Variants in SERPINB9 observed in about 807,000 individuals in gnomAD.
SERPINB9 encodes serpin B9.
SERPINB9 carries 20 observed loss-of-function variants against 27.2 expected under a neutral mutation model. That is an observed-to-expected ratio of 0.74 (90% CI 0.52 to 1.07). The LOEUF is 1.07. Among genes scored for constraint, SERPINB9 ranks in the 50% least tolerant of loss-of-function variants. SERPINB9 has a pLI of 0.00. For synonymous variants in SERPINB9, 189 were observed against 180.0 expected, an observed-to-expected ratio of 1.05 and a Z score of -0.40; for missense variants, 476 against 460.1, an observed-to-expected ratio of 1.03 and a Z score of -0.32.
chr6:2,890,268 G>A lies in SERPINB9; in HGVS notation c.1026C>T (p.Cys342=). ...ASSCFVVAEC[C]MESGPRFCAD... ...CACAGAACCTGGGGCCAGATTCCAT[G>A]CAGCACTCTGCAACTACAAAGCAGC... Residue 342 remains cysteine (C), a synonymous_variant, in exon 7 of 7, where the codon TGC becomes TGT. Coordinates refer to ENST00000380698, the MANE Select transcript of SERPINB9 (RefSeq NM_004155.6). This position sits in a 1 kb window ranked among gnomAD's most constrained non-coding sequence, Gnocchi z 6.2. 6.2e-7 allele frequency: 1 copy of A among 1,614,222 alleles called. No homozygotes were observed. The highest frequency in any genetic ancestry group is 8.5e-7 in the Non-Finnish European group (1 of 1,180,040).
rs181498484 is a variant in SERPINB9, at chr6:2,896,963, G to A, written c.169-773C>T. Among the ~76,000 whole-genome samples the A allele has an allele frequency of 5.5e-3, 837 of 151,748 alleles. 2 individuals are homozygous for A. Among genetic ancestry groups the A allele is most frequent in the Non-Finnish European group, 7.2e-3 (487 of 67,912 alleles). On this transcript the variant is annotated intron_variant, in intron 2 of 6. Coordinates refer to ENST00000380698, the MANE Select transcript of SERPINB9 (RefSeq NM_004155.6). Reference sequence around the variant, plus strand: ...GAGGCTAGCCTGGGCAACATTGCAAGATCCCATCTCCACTTAGCTGGGCAT... The same window carrying A: ...GAGGCTAGCCTGGGCAACATTGCAAAATCCCATCTCCACTTAGCTGGGCAT...
At position 2,887,528 on chromosome 6, in the gene SERPINB9, C is replaced by T. The variant is rs1169184497; in HGVS notation, c.*2635G>A. 6.6e-6 allele frequency: 1 copy of T among 152,068 alleles called. No individual in the cohort carries two copies. The highest frequency in any genetic ancestry group is 2.4e-5 in the African/African-American group (1 of 41,398). The allele number at this position is 152,068 out of a possible 1,614,324, so 9.4% of individuals were successfully genotyped here. On this transcript the variant is annotated 3_prime_UTR_variant, in exon 7 of 7. Transcript: ENST00000380698. ...TATCTGCATATGATACATAATGTTGCAGATGTTTGTAATTTACATAAAAGA... is the reference window on the plus strand; with the variant it reads ...TATCTGCATATGATACATAATGTTGTAGATGTTTGTAATTTACATAAAAGA...
Position 2,889,857 on chromosome 6 carries a change from A to G in SERPINB9, c.*306T>C, listed in dbSNP as rs1470011679. The stretch of plus-strand genomic sequence containing the variant: ...AATGTATTCGCAGTGTCAGGAAAGC[A>G]CAGGGTCGCCAGAGTGAATTGCATG... On this transcript the variant is annotated 3_prime_UTR_variant, in exon 7 of 7. Transcript: ENST00000380698. 2 of 298,266 alleles carry G rather than the reference A, an allele frequency of 6.7e-6. No individual in the cohort carries two copies. Among genetic ancestry groups the G allele is most frequent in the Non-Finnish European group, 1.3e-5 (2 of 158,972 alleles). 18.5% of individuals were successfully genotyped at this position (298,266 alleles called of 1,614,324 possible). A position where few individuals can be genotyped will look rare whatever the true frequency, so the allele number is the denominator to read the frequency against.
At chr6:2,899,380 A>G (rs1254478463) in intron 2 of SERPINB9, among the ~76,000 whole-genome samples, 2 of 152,238 alleles carry the variant, frequency 1.3e-5, no homozygotes, top group South Asian at 4.1e-4. Flanking sequence ...CACAAAGGCC[A>G]TCACAGCCTT....
rs1254328978 is a variant in SERPINB9, at chr6:2,891,784, T to C, written c.723+49A>G. The C allele has an allele frequency of 2.6e-6, 4 of 1,539,410 alleles. No homozygotes were observed. Among genetic ancestry groups the C allele is most frequent in the East Asian group, 4.6e-5 (2 of 43,698 alleles). On this transcript the variant is annotated intron_variant, in intron 6 of 6. Coordinates refer to ENST00000380698, the MANE Select transcript of SERPINB9 (RefSeq NM_004155.6). This position sits in a 1 kb window ranked among gnomAD's most constrained non-coding sequence, Gnocchi z 4.0. Reference sequence around the variant, plus strand: ...ATGAGAGGTGGAAGTGGCACTCGAGTTCTGCCCGCAAAGGTGTCCCTGGGT... The same window carrying C: ...ATGAGAGGTGGAAGTGGCACTCGAGCTCTGCCCGCAAAGGTGTCCCTGGGT...
At chr6:2,892,794 T>C (rs1767854366) in intron 5 of SERPINB9, among the ~76,000 whole-genome samples, 2 of 152,284 alleles carry the variant, frequency 1.3e-5, no homozygotes, top group South Asian at 2.1e-4. Context: ...AGTATCTTTT[T>C]AGGGGCTGGA....
chr6:2,891,895 A>T lies in SERPINB9; in HGVS notation c.661T>A (p.Tyr221Asn). 1 of 1,612,968 alleles carries T rather than the reference A, an allele frequency of 6.2e-7. No individual in the cohort carries two copies. Among genetic ancestry groups the T allele is most frequent in the East Asian group, 2.2e-5 (1 of 44,872 alleles). Residue 221 changes from tyrosine (Y) to asparagine (N), a missense_variant, in exon 6 of 7, where the codon TAC becomes AAC. By Grantham distance (143) the Tyr-to-Asn change is moderately radical. Coordinates refer to ENST00000380698, the MANE Select transcript of SERPINB9 (RefSeq NM_004155.6). This position sits in a 1 kb window ranked among gnomAD's most constrained non-coding sequence, Gnocchi z 4.0. The part of the protein sequence containing the change: ...EVRAQLLELP[Y>N]ARKELSLLVL... ...AGCAGGCTCAGCTCCTTCCTGGCGT[A>T]GGGCAGCTCCAGCAGCTGCGCGCGC...
At chr6:2,898,240 C>T (rs1016473925) in intron 2 of SERPINB9, among the ~76,000 whole-genome samples, 2 of 151,848 alleles carry the variant, frequency 1.3e-5, no homozygotes, top group South Asian at 2.1e-4. Context: ...TTCTATTTCT[C>T]ATGCAATACA....
At position 2,900,624 on chromosome 6, in the gene SERPINB9, G is replaced by A; in HGVS notation, c.-10-3C>T. Reference sequence around the variant, plus strand: ...AAAGAGTTTCCATGATGCAGGGCCTGGAAGGGAAGAATAAAGAGAAATGCA... The same window carrying A: ...AAAGAGTTTCCATGATGCAGGGCCTAGAAGGGAAGAATAAAGAGAAATGCA... On this transcript the variant is annotated splice_region_variant and splice_polypyrimidine_tract_variant and intron_variant, in intron 1 of 6. Transcript: ENST00000380698. 6.2e-7 allele frequency: 1 copy of A among 1,613,218 alleles called. No homozygotes were observed. Among genetic ancestry groups the A allele is most frequent in the Middle Eastern group, 1.7e-4 (1 of 6,056 alleles).
chr6:2,900,918 G>A (rs548417904), intron 1 of SERPINB9, among the ~76,000 whole-genome samples: 174 of 47,842 alleles, frequency 3.6e-3, no homozygotes, highest in African/African-American at 0.022. Flanking sequence ...CACAGAGCTG[G>A]AAGCAGTGAA....
rs766077113 is a variant in SERPINB9, at chr6:2,890,011, T to A, written c.*152A>T. ...TAGCATAAGCGAGTGTGGAGCATCATGAATTCATGCTGGCAAATCATGAGG... is the reference window on the plus strand; with the variant it reads ...TAGCATAAGCGAGTGTGGAGCATCAAGAATTCATGCTGGCAAATCATGAGG... On this transcript the variant is annotated 3_prime_UTR_variant, in exon 7 of 7. Coordinates refer to ENST00000380698, the MANE Select transcript of SERPINB9 (RefSeq NM_004155.6). This position sits in a 1 kb window ranked among gnomAD's most constrained non-coding sequence, Gnocchi z 6.2. 3.7e-5 allele frequency: 23 copies of A among 622,612 alleles called. No homozygotes were observed. The highest frequency in any genetic ancestry group is 4.4e-4 in the Middle Eastern group (1 of 2,258). 38.6% of individuals were successfully genotyped at this position (622,612 alleles called of 1,614,324 possible).
At chr6:2,893,692 A>C in intron 4 of SERPINB9, 139 bp from the exon 5 acceptor site, 2 of 638,000 alleles carry the variant, frequency 3.1e-6, no homozygotes, top group Non-Finnish European at 5.3e-6. Flanking sequence ...AGAAATAAAA[A>C]CAGCACATAT....
intron 1 of SERPINB9, among the ~76,000 whole-genome samples, chr6:2,901,674 C>T (rs1768206284): frequency 6.6e-6 from 1 of 152,116 alleles, no homozygotes; most frequent in African/African-American, 2.4e-5. Flanking sequence ...GACCCTGACT[C>T]CTCCAGGTGA....
In SERPINB9 at chr6:2,894,449, G is replaced by T. The variant is rs1225473101; in HGVS notation, c.425-896C>A. 6.6e-6 allele frequency among the ~76,000 whole-genome samples: 1 copy of T among 152,136 alleles called. No homozygotes were observed. The highest frequency in any genetic ancestry group is 1.5e-5 in the Non-Finnish European group (1 of 68,040). ...GAGGGTATTTTCAGTCTGTGGAACT[G>T]ATCAGCCCTGAGAGAGGGTCGGCAG... On this transcript the variant is annotated intron_variant, in intron 4 of 6. Coordinates refer to ENST00000380698, the MANE Select transcript of SERPINB9 (RefSeq NM_004155.6). The surrounding 1 kb of genome is among the most constrained non-coding windows in gnomAD (Gnocchi z 4.7).
Position 2,894,985 on chromosome 6 carries a change from G to A in SERPINB9, c.424+406C>T, listed in dbSNP as rs2113608025. Among the ~76,000 whole-genome samples the A allele has an allele frequency of 6.6e-6, 1 of 151,930 alleles. No individual in the cohort carries two copies. The highest frequency in any genetic ancestry group is 1.9e-4 in the East Asian group (1 of 5,170). On this transcript the variant is annotated intron_variant, in intron 4 of 6. Coordinates refer to ENST00000380698, the MANE Select transcript of SERPINB9 (RefSeq NM_004155.6). The surrounding 1 kb of genome is among the most constrained non-coding windows in gnomAD (Gnocchi z 4.7). ...TTGGTCAGGCTGGTCTCGAACTCCTGACCTCAAGTGATATGTCCACTTCGG... is the reference window on the plus strand; with the variant it reads ...TTGGTCAGGCTGGTCTCGAACTCCTAACCTCAAGTGATATGTCCACTTCGG...
chr6:2,893,206 T>A (rs1767878774), intron 5 of SERPINB9, among the ~76,000 whole-genome samples: 1 of 143,708 alleles, frequency 7.0e-6, no homozygotes, highest in African/African-American at 2.6e-5. Flanking sequence ...ATATATATTA[T>A]ATATACGTAT....
Position 2,891,598 on chromosome 6 carries a change from G to A in SERPINB9, c.723+235C>T, listed in dbSNP as rs558346781. Among the ~76,000 whole-genome samples, 3 of 152,190 alleles carry A rather than the reference G, an allele frequency of 2.0e-5. No individual in the cohort carries two copies. Among genetic ancestry groups the A allele is most frequent in the Non-Finnish European group, 4.4e-5 (3 of 67,982 alleles). ...TATTTTAAAAGGCATTTTAACCGCCGCCCACTCCTTCTAGCGATGAAAAAA... is the reference window on the plus strand; with the variant it reads ...TATTTTAAAAGGCATTTTAACCGCCACCCACTCCTTCTAGCGATGAAAAAA... On this transcript the variant is annotated intron_variant, in intron 6 of 6. Transcript: ENST00000380698. The surrounding 1 kb of genome is among the most constrained non-coding windows in gnomAD (Gnocchi z 4.0).
intron 2 of SERPINB9, chr6:2,899,971 T>C: frequency 2.2e-6 from 1 of 453,048 alleles, no homozygotes; most frequent in Non-Finnish European, 4.4e-6. Flanking sequence ...TGTGCAGCTG[T>C]AATGAAGCAC....
rs1767744384 is a variant in SERPINB9 at position 2,890,207 on chromosome 6, T to C, written c.1087A>G (p.Arg363Gly). The C allele has an allele frequency of 1.2e-6, 2 of 1,614,120 alleles. No homozygotes were observed. Among genetic ancestry groups the C allele is most frequent in the African/African-American group, 1.3e-5 (1 of 74,928 alleles). The change falls in exon 7 of 7, where the codon AGA becomes GGA. Residue 363 changes from arginine (R) to glycine (G), a missense_variant. Physicochemically the swap from Arg to Gly is moderately radical, Grantham distance 125. Coordinates refer to ENST00000380698, the MANE Select transcript of SERPINB9 (RefSeq NM_004155.6). This position sits in a 1 kb window ranked among gnomAD's most constrained non-coding sequence, Gnocchi z 6.2. Reference sequence around the variant, plus strand: ...CCACAGAACAGAATGCTGTTGGCTCTGTTGTGCCTGATGAAGAAAAGGAAA... The same window carrying C: ...CCACAGAACAGAATGCTGTTGGCTCCGTTGTGCCTGATGAAGAAAAGGAAA... ...HPFLFFIRHN[R>G]ANSILFCGRF...
Sources: gnomAD v4.1 joint callset for allele counts (sites outside exome capture counted in the v4.1 genomes callset) on GRCh38, gnomAD v4.1.1 for gene constraint, Gnocchi (gnomAD v3.1) non-coding constraint, MANE v1.5 for transcripts, NCBI Gene and HGNC (gene_info 2026-07-23, HGNC 2026-07-21) for gene names.